Variants in HNRNPA2B1 observed in about 807,000 individuals in gnomAD.
HNRNPA2B1 encodes the protein heterogeneous nuclear ribonucleoproteins A2/B1.
Under a neutral mutation model 46.3 loss-of-function variants are expected in HNRNPA2B1, and 3 were observed. The ratio of observed to expected loss-of-function variants is 0.06; its 90% CI spans 0.03 to 0.17. The LOEUF (loss-of-function observed/expected upper bound fraction) is 0.17, where lower values mean the gene tolerates loss of function less well. Among genes scored for constraint, HNRNPA2B1 ranks in the 10% least tolerant of loss-of-function variants. HNRNPA2B1 has a pLI of 1.00. For missense variants in HNRNPA2B1, 221 were observed against 418.9 expected (o/e 0.53, Z 4.12); for synonymous variants, 225 against 133.8 (o/e 1.68, Z -4.70).
intron 1 of HNRNPA2B1, chr7:26,199,698 G>A (rs1408940160): frequency 6.6e-6 from 1 of 150,670 alleles, no homozygotes; most frequent in African/African-American, 2.4e-5. Context: ...TGTTTATTTT[G>A]CCGCGGTTCA....
chr7:26,197,804 A>G, intron 1 of HNRNPA2B1, 72 bp from the exon 2 acceptor site: 2 of 1,604,684 alleles, frequency 1.2e-6, no homozygotes, highest in Non-Finnish European at 1.7e-6. Flanking sequence ...AAATTCTTAA[A>G]TATGAGGTGA....
intron 1 of HNRNPA2B1, 157 bp downstream of exon 1, chr7:26,200,415 C>G (rs1562730260): frequency 2.6e-6 from 2 of 774,446 alleles, no homozygotes; most frequent in Non-Finnish European, 4.5e-6. Flanking sequence ...GCTCAGGCCT[C>G]CGCTCAAGAC....
At position 26,196,554 on chromosome 7, in the gene HNRNPA2B1, T is replaced by C; in HGVS notation, c.577+3A>G. On this transcript the variant is annotated splice_donor_region_variant and intron_variant, in intron 5 of 10. Transcript: ENST00000618183. ...AATAAAGAAGAAACAGAATTAAAAT[T>C]ACCTCCTCTTCCACTCCTAGAACTC... 1 of 1,612,898 alleles carries C rather than the reference T, an allele frequency of 6.2e-7. No homozygotes were observed. Among genetic ancestry groups the C allele is most frequent in the Non-Finnish European group, 8.5e-7 (1 of 1,179,002 alleles).
At chr7:26,200,013 A>G (rs1248812182) in intron 1 of HNRNPA2B1, 5 of 158,946 alleles carry the variant, frequency 3.1e-5, no homozygotes, top group South Asian at 3.0e-4. Flanking sequence ...CCTCGAAACG[A>G]TATGAAAACA....
At position 26,200,738 on chromosome 7, in the gene HNRNPA2B1, G is replaced by C; in HGVS notation, c.-161C>G. 6.9e-6 allele frequency: 6 copies of C among 863,456 alleles called. No individual in the cohort carries two copies. The Admixed American group carries it at 1.1e-4, about 16-fold the overall frequency. The allele number at this position is 863,456 out of a possible 1,614,324, so 53.5% of individuals were successfully genotyped here. ...GCACCTCCGCACGGGACCCGGCGCT[G>C]CTGCTACTGCCGCTAGAGCCGCTGC... On this transcript the variant is annotated 5_prime_UTR_variant, in exon 1 of 11. Coordinates refer to ENST00000618183, the MANE Select transcript of HNRNPA2B1 (RefSeq NM_002137.4).
At chr7:26,196,314 G>C (rs918767296) in intron 6 of HNRNPA2B1, 87 bp downstream of exon 6, 3 of 1,088,150 alleles carry the variant, frequency 2.8e-6, no homozygotes, top group African/African-American at 3.2e-5. Flanking sequence ...GACTTAGGTT[G>C]GATTTCTTGA....
chr7:26,197,946 CCT>C, intron 1 of HNRNPA2B1: 1 of 812,074 alleles, frequency 1.2e-6, no homozygotes, highest in Non-Finnish European at 1.8e-6. Context: ...CAAAAAATTG[CCT>C]CAGCTGATCT....
At position 26,199,264 on chromosome 7, in the gene HNRNPA2B1, C is replaced by A. The variant is rs942528807; in HGVS notation, c.6+1308G>T. The A allele has an allele frequency of 2.6e-5, 4 of 152,564 alleles. No homozygotes were observed. In the South Asian group the frequency reaches 8.3e-4, roughly 32 times the overall value. 9.5% of individuals were successfully genotyped at this position (152,564 alleles called of 1,614,324 possible). ...GTTATTTTATAAACGTGCTTAGGGT[C>A]AAAGAAAATAACCAGGTAGACCCCC... On this transcript the variant is annotated intron_variant, in intron 1 of 10. Transcript: ENST00000618183.
At chr7:26,192,407 G>A (rs1285228220) in intron 10 of HNRNPA2B1, 69 bp from the exon 11 acceptor site, 3 of 872,054 alleles carry the variant, frequency 3.4e-6, no homozygotes, top group South Asian at 1.5e-5. Context: ...CAGATTTTAA[G>A]GAAAGATAAC....
chr7:26,193,307 G>A lies in HNRNPA2B1; in HGVS notation c.908C>T (p.Pro303Leu), dbSNP rs868527511. The A allele has an allele frequency of 6.2e-7, 1 of 1,612,224 alleles. No individual in the cohort carries two copies. Among genetic ancestry groups the A allele is most frequent in the Non-Finnish European group, 8.5e-7 (1 of 1,178,486 alleles). The change falls in exon 9 of 11, where the codon CCA becomes CTA. Residue 303 changes from proline to leucine, a missense_variant. Pro to Leu is a moderately conservative substitution (Grantham distance 98, BLOSUM62 -3). Transcript: ENST00000618183. ...ACCACCAAAGTTTCCACTCTTCATT[G>A]GACCGTAGTTAGAAGGTTGCTGGTT... is the stretch of plus-strand genomic sequence containing the variant. The part of the protein sequence containing the change: ...NYNQQPSNYG[P>L]MKSGNFGGSR...
chr7:26,197,086 C>G (rs759950356), intron 3 of HNRNPA2B1, 69 bp from the exon 4 acceptor site: 1 of 1,271,384 alleles, frequency 7.9e-7, no homozygotes, highest in Non-Finnish European at 1.1e-6. Flanking sequence ...AGCACCCAAC[C>G]GTAGTACCAT....
At chr7:26,193,169 A>C in intron 9 of HNRNPA2B1, 82 bp downstream of exon 9, 1 of 1,350,858 alleles carries the variant, frequency 7.4e-7, no homozygotes, top group South Asian at 1.3e-5. Context: ...CAAACTACTT[A>C]GTATGTTATC....
chr7:26,197,284 T>G (rs777206380), intron 3 of HNRNPA2B1, 31 bp downstream of exon 3: 1 of 1,571,632 alleles, frequency 6.4e-7, no homozygotes, highest in South Asian at 1.2e-5. Flanking sequence ...GTTCTTCATG[T>G]TAATGCACAA....
chr7:26,192,576 T>G lies in HNRNPA2B1; in HGVS notation c.966A>C (p.Gly322=). ...CTCCACTGCCTCCTGGACCATAGTT[T>G]CCTATAATTGTTGGAACAGCAAGAG... ...SRNMGGPYGG[G]NYGPGGSGGS... Residue 322 remains glycine (G), a splice_region_variant and synonymous_variant, in exon 10 of 11, where the codon GGA becomes GGC. Transcript: ENST00000618183. The G allele has an allele frequency of 6.2e-7, 1 of 1,613,876 alleles. No individual in the cohort carries two copies. The highest frequency in any genetic ancestry group is 8.5e-7 in the Non-Finnish European group (1 of 1,179,744).
chr7:26,195,919 G>A lies in HNRNPA2B1; in HGVS notation c.659-10C>T, dbSNP rs1783546491. 6 of 1,597,802 alleles carry A rather than the reference G, an allele frequency of 3.8e-6. No individual in the cohort carries two copies. Among genetic ancestry groups the A allele is most frequent in the South Asian group, 2.3e-5 (2 of 88,010 alleles). ...CCACTGCCATATCCATCTGTTAGGGGCCAAAAAAAGATTACGTTTACTATA... is the reference window on the plus strand; with the variant it reads ...CCACTGCCATATCCATCTGTTAGGGACCAAAAAAAGATTACGTTTACTATA... On this transcript the variant is annotated splice_polypyrimidine_tract_variant and intron_variant, in intron 6 of 10. Coordinates refer to ENST00000618183, the MANE Select transcript of HNRNPA2B1 (RefSeq NM_002137.4).
rs747851689 is a variant in HNRNPA2B1, at chr7:26,190,303, GTTTGT to G, written c.*2052_*2056del. 98 of 152,570 alleles carry G rather than the reference GTTTGT, an allele frequency of 6.4e-4. No individual in the cohort carries two copies. The highest frequency in any genetic ancestry group is 6.8e-3 in the Middle Eastern group (2 of 294). 9.5% of individuals were successfully genotyped at this position (152,570 alleles called of 1,614,324 possible). A position where few individuals can be genotyped will look rare whatever the true frequency, so the allele number is the denominator to read the frequency against. On this transcript the variant is annotated 3_prime_UTR_variant, in exon 11 of 11. Transcript: ENST00000618183. ...TTTATATCAAGAACCTCAACTAAAT[GTTTGT>G]TTTATCAGAAAACATTTCCCTTTTA...
chr7:26,196,363 C>A, intron 6 of HNRNPA2B1, 38 bp downstream of exon 6: 3 of 1,482,612 alleles, frequency 2.0e-6, no homozygotes, highest in Non-Finnish European at 2.8e-6. Flanking sequence ...AAAATAAAAG[C>A]ACACTCATCC....
At position 26,197,513 on chromosome 7, in the gene HNRNPA2B1, G is replaced by A. The variant is rs547039373; in HGVS notation, c.118-52C>T. On this transcript the variant is annotated intron_variant, in intron 2 of 10. Transcript: ENST00000618183. The stretch of plus-strand genomic sequence containing the variant: ...CATTTAATCTCATTATAGCTTATAA[G>A]TGAAGTCATAATAGAATTTTTTACT... The A allele has an allele frequency of 3.1e-5, 50 of 1,592,008 alleles. 1 individual carries two copies. Among genetic ancestry groups the A allele is most frequent in the Admixed American group, 2.1e-4 (12 of 58,456 alleles).
intron 8 of HNRNPA2B1, 32 bp downstream of exon 8, chr7:26,193,543 T>C (rs762095626): frequency 1.0e-5 from 16 of 1,568,042 alleles, no homozygotes; most frequent in South Asian, 2.4e-5. Context: ...AATTCCAAAT[T>C]CCCACATAAA....
Sources: allele counts gnomAD v4.1 joint callset, GRCh38; gene constraint gnomAD v4.1.1; transcripts MANE v1.5; gene names NCBI Gene and HGNC (gene_info 2026-07-23, HGNC 2026-07-21).